Variants in COL4A3 observed in about 807,000 individuals in gnomAD.
COL4A3 encodes the protein collagen alpha-3(IV) chain.
COL4A3 carries 135 observed loss-of-function variants against 217.4 expected under a neutral mutation model. The observed-to-expected ratio is 0.62, with a 90% CI of 0.54 to 0.72. The LOEUF is 0.72. Ranked by LOEUF, COL4A3 falls within the 30% of genes least tolerant of loss-of-function variation. COL4A3 has a pLI of 0.00. For missense variants in COL4A3, 1,868 were observed against 2,119.9 expected, an observed-to-expected ratio of 0.88 and a Z score of 2.33; for synonymous variants, 690 against 736.3, an observed-to-expected ratio of 0.94 and a Z score of 1.02.
intron 26 of COL4A3, 33 bp downstream of exon 26, chr2:227,273,150 G>A (rs376902702): frequency 1.9e-5 from 31 of 1,610,346 alleles, no homozygotes; most frequent in Middle Eastern, 2.1e-4. Flanking sequence ...CCTGTTTTCC[G>A]ATGGAGTGGG....
rs780647456 is a variant in COL4A3 at position 227,309,043 on chromosome 2, T to C, written c.4607T>C (p.Ile1536Thr). The C allele has an allele frequency of 6.2e-7, 1 of 1,614,198 alleles. No homozygotes were observed. The highest frequency in any genetic ancestry group is 2.2e-5 in the East Asian group (1 of 44,886). Residue 1536 changes from isoleucine (I) to threonine (T), a missense_variant, in exon 49 of 52, where the codon ATT becomes ACT. By Grantham distance (89) the Ile-to-Thr change is moderately conservative. Around this residue, in one of 2 missense-constraint regions of COL4A3, gnomAD observed 1,503 missense variants for 1,786.1 expected, o/e 0.84. Transcript: ENST00000396578. The stretch of plus-strand genomic sequence containing the variant: ...CTGATGCCAATGAACATGGCTCCCA[T>C]TACTGGCAGAGCCCTTGAGCCTTAT... ...PALMPMNMAP[I>T]TGRALEPYIS...
chr2:227,248,342 A>C, intron 8 of COL4A3, 101 bp from the exon 9 acceptor site: 1 of 797,826 alleles, frequency 1.3e-6, no homozygotes, highest in Non-Finnish European at 2.3e-6. Context: ...ATAACTTGAA[A>C]AGCATTTTTA....
At chr2:227,222,160 AATAATGATAATG>A (rs745323366) in intron 1 of COL4A3, among the ~76,000 whole-genome samples, 4,668 of 84,880 alleles carry the variant, frequency 0.055, 239 homozygotes, top group African/African-American at 0.14. Context: ...TAATAATAAT[AATAATGATAATG>A]ATAATAAAAA....
chr2:227,300,545 A>G (rs2073234700), intron 43 of COL4A3, among the ~76,000 whole-genome samples: 1 of 152,016 alleles, frequency 6.6e-6, no homozygotes, highest in Admixed American at 6.6e-5. Flanking sequence ...AGACAAGTTG[A>G]CCCCTCTGTT....
chr2:227,263,631 G>T, intron 20 of COL4A3, 149 bp from the exon 21 acceptor site: 1 of 785,610 alleles, frequency 1.3e-6, no homozygotes, highest in Non-Finnish European at 2.0e-6. Flanking sequence ...AAAAAAGCAA[G>T]GATATTCACT....
At chr2:227,249,763 G>A (rs1014235511) in intron 9 of COL4A3, among the ~76,000 whole-genome samples, 1 of 152,118 alleles carries the variant, frequency 6.6e-6, no homozygotes, top group Admixed American at 6.5e-5. Context: ...GATGGCTCTC[G>A]CTTTTTTGCT....
rs1559909598 is a variant in COL4A3 at position 227,293,286 on chromosome 2, C to T, written c.3306C>T (p.Ala1102=). ...TGGGGCCTGCTGGACCTGAGGGAGC[C>T]CCTGGAAGTCCTGGAAGTCCTGGCC... is the stretch of plus-strand genomic sequence containing the variant. The part of the protein sequence containing the change: ...GHLGPAGPEG[A]PGSPGSPGLP... Residue 1102 remains alanine (A), a synonymous_variant, in exon 38 of 52, where the codon GCC becomes GCT. Transcript: ENST00000396578. 6.2e-7 allele frequency: 1 copy of T among 1,613,682 alleles called. No homozygotes were observed. Among genetic ancestry groups the T allele is most frequent in the Non-Finnish European group, 8.5e-7 (1 of 1,179,992 alleles).
At chr2:227,293,089 A>G in intron 37 of COL4A3, 102 bp from the exon 38 acceptor site, 1 of 1,476,974 alleles carries the variant, frequency 6.8e-7, no homozygotes, top group South Asian at 1.2e-5. Flanking sequence ...ACTAATATGA[A>G]TTGATGAATG....
At chr2:227,263,445 C>T (rs1051860005) in intron 20 of COL4A3, among the ~76,000 whole-genome samples, 1 of 152,122 alleles carries the variant, frequency 6.6e-6, no homozygotes, top group African/African-American at 2.4e-5. Context: ...ATCCTCTAGT[C>T]TCTAATAAAA....
At chr2:227,190,667 G>T (rs180826288) in intron 1 of COL4A3, among the ~76,000 whole-genome samples, 241 of 152,284 alleles carry the variant, frequency 1.6e-3, no homozygotes, top group African/African-American at 5.5e-3. Flanking sequence ...GCACTTTGGG[G>T]AGGCCAAGGC....
chr2:227,289,346 A>G lies in COL4A3; in HGVS notation c.2980+98A>G, dbSNP rs377630928. 36 of 1,003,360 alleles carry G rather than the reference A, an allele frequency of 3.6e-5. No individual in the cohort carries two copies. In the East Asian group the frequency reaches 4.2e-4, roughly 12 times the overall value. The allele number at this position is 1,003,360 out of a possible 1,614,324, so 62.2% of individuals were successfully genotyped here. ...CTAGGCTTACTGGGTTTAAATATCA[A>G]TTCTGTTCTGATAGTGTTCCAGCAG... On this transcript the variant is annotated intron_variant, in intron 35 of 51. Coordinates refer to ENST00000396578, the MANE Select transcript of COL4A3 (RefSeq NM_000091.5).
chr2:227,294,030 A>G (rs1436738363), intron 38 of COL4A3: 4 of 309,732 alleles, frequency 1.3e-5, no homozygotes, highest in Non-Finnish European at 2.5e-5. Flanking sequence ...TCAAACTACA[A>G]CACTGTGCTG....
At chr2:227,265,366 C>T (rs971440867) in intron 21 of COL4A3, 41 of 152,124 alleles carry the variant, frequency 2.7e-4, no homozygotes, top group Non-Finnish European at 2.8e-4. Flanking sequence ...CCAGTGGTAC[C>T]TTGTTTTTCT....
At position 227,184,817 on chromosome 2, in the gene COL4A3, C is replaced by T. The variant is rs150281429; in HGVS notation, c.87+20004C>T. ...AAAGACTCATCTTTTTTTCATTATG[C>T]GCATTTTAGAAAAATTCTCTCTAAA... On this transcript the variant is annotated intron_variant, in intron 1 of 51. Coordinates refer to ENST00000396578, the MANE Select transcript of COL4A3 (RefSeq NM_000091.5). 1.5e-4 allele frequency among the ~76,000 whole-genome samples: 21 copies of T among 139,478 alleles called. No individual in the cohort carries two copies. The East Asian group carries it at 2.1e-3, about 14-fold the overall frequency. The allele number at this position is 139,478 out of a possible 152,430, so 91.5% of individuals were successfully genotyped here. A position where few individuals can be genotyped will look rare whatever the true frequency, so the allele number is the denominator to read the frequency against.
intron 23 of COL4A3, among the ~76,000 whole-genome samples, chr2:227,268,147 T>C (rs1398197163): frequency 1.3e-5 from 2 of 152,200 alleles, no homozygotes; most frequent in African/African-American, 2.4e-5. Context: ...CATTGACCAT[T>C]GAGAGGTGAA....
At chr2:227,210,836 C>T (rs547205008) in intron 1 of COL4A3, among the ~76,000 whole-genome samples, 136 of 149,444 alleles carry the variant, frequency 9.1e-4, no homozygotes, top group African/African-American at 3.3e-3. Flanking sequence ...TATTCCCAAA[C>T]AAACAAAAAT....
intron 15 of COL4A3, 63 bp from the exon 16 acceptor site, chr2:227,255,963 T>G: frequency 6.6e-7 from 1 of 1,517,026 alleles, no homozygotes; most frequent in South Asian, 1.1e-5. Flanking sequence ...ACTTAAGATT[T>G]CCGTATTTGT....
chr2:227,237,747 T>C (rs1164494579), intron 1 of COL4A3: 6 of 456,700 alleles, frequency 1.3e-5, no homozygotes, highest in South Asian at 9.9e-5. Context: ...GATGTATTCT[T>C]ATCCGACATT....
intron 43 of COL4A3, among the ~76,000 whole-genome samples, chr2:227,299,166 C>T (rs1007852332): frequency 4.6e-5 from 7 of 152,112 alleles, no homozygotes; most frequent in Admixed American, 1.3e-4. Flanking sequence ...GAGGCCGAGG[C>T]GGGCGGATCA....
Sources: allele counts gnomAD v4.1 joint callset (sites outside exome capture counted in the v4.1 genomes callset), GRCh38; gene constraint gnomAD v4.1.1; regional missense constraint gnomAD v4.1.1; transcripts MANE v1.5; gene names NCBI Gene and HGNC (gene_info 2026-07-23, HGNC 2026-07-21).